DNAH12: variants seen among roughly 807,000 people sequenced by gnomAD.
DNAH12 encodes the protein axonemal beta dynein heavy chain 12.
Under a neutral mutation model 371.5 loss-of-function variants are expected in DNAH12, and 285 were observed. That is an observed-to-expected ratio of 0.77 (90% CI 0.70 to 0.85). The LOEUF (loss-of-function observed/expected upper bound fraction) is 0.85, where lower values mean the gene tolerates loss of function less well. Among genes scored for constraint, DNAH12 ranks in the 40% least tolerant of loss-of-function variants. The pLI is 0.00. For missense variants in DNAH12, 3,611 were observed against 3,689.4 expected, an observed-to-expected ratio of 0.98 and a Z score of 0.55; for synonymous variants, 1,200 against 1,213.0, an observed-to-expected ratio of 0.99 and a Z score of 0.22.
chr3:57,339,186 G>A (rs934515271), intron 60 of DNAH12, among the ~76,000 whole-genome samples: 2 of 152,112 alleles, frequency 1.3e-5, no homozygotes, highest in Non-Finnish European at 1.5e-5. Flanking sequence ...CAGCATGCTC[G>A]TTAAGAGTCA....
At chr3:57,390,822 G>T (rs1363508273) in intron 45 of DNAH12, among the ~76,000 whole-genome samples, 1 of 151,978 alleles carries the variant, frequency 6.6e-6, no homozygotes, top group Non-Finnish European at 1.5e-5. Flanking sequence ...CTACCACACA[G>T]CTTCCAACTG....
intron 19 of DNAH12, 84 bp downstream of exon 19, chr3:57,461,405 G>T: frequency 7.7e-7 from 1 of 1,293,930 alleles, no homozygotes; most frequent in Non-Finnish European, 1.1e-6. Flanking sequence ...CATCCAATAA[G>T]CTACTTATTA....
At chr3:57,336,652 T>A (rs2062230188) in intron 60 of DNAH12, among the ~76,000 whole-genome samples, 1 of 152,178 alleles carries the variant, frequency 6.6e-6, no homozygotes, top group Non-Finnish European at 1.5e-5. Flanking sequence ...AAATGGTAAC[T>A]TTGTAGGTAA....
rs1463409666 is a variant in DNAH12 at position 57,402,505 on chromosome 3, T to C, written c.6948+804A>G. On this transcript the variant is annotated intron_variant, in intron 43 of 73. Coordinates refer to ENST00000495027, the MANE Select transcript of DNAH12 (RefSeq NM_001366028.2). ...TCATCATCAGGTTCATGGTTAAATC[T>C]GCTAGAAACCATTTATTTATCTGAA... is the stretch of plus-strand genomic sequence containing the variant. The C allele has an allele frequency of 4.4e-6, 5 of 1,123,832 alleles. No homozygotes were observed. In the African/African-American group the frequency reaches 6.5e-5, roughly 15 times the overall value. 69.6% of individuals were successfully genotyped at this position (1,123,832 alleles called of 1,614,324 possible). A position where few individuals can be genotyped will look rare whatever the true frequency, so the allele number is the denominator to read the frequency against.
At chr3:57,414,023 T>C (rs1382474672) in intron 38 of DNAH12, 111 bp from the exon 39 acceptor site, 2 of 1,091,066 alleles carry the variant, frequency 1.8e-6, no homozygotes, top group East Asian at 2.8e-5. Flanking sequence ...CCAGAATCCA[T>C]GGGATTTTTA....
At chr3:57,341,775 G>T (rs1200467278) in intron 60 of DNAH12, among the ~76,000 whole-genome samples, 1 of 151,834 alleles carries the variant, frequency 6.6e-6, no homozygotes, top group Admixed American at 6.6e-5. Context: ...CCTAAAATTT[G>T]CATGGAACCA....
At chr3:57,546,520 T>C (rs2069577728), upstream of DNAH12, among the ~76,000 whole-genome samples, 1 of 152,130 alleles carries the variant, frequency 6.6e-6, no homozygotes, top group Non-Finnish European at 1.5e-5. Flanking sequence ...TTTAAAAATA[T>C]TTTGTTGGGA....
At chr3:57,350,532 T>C (rs1383975533) in intron 60 of DNAH12, among the ~76,000 whole-genome samples, 3 of 152,202 alleles carry the variant, frequency 2.0e-5, no homozygotes, top group African/African-American at 7.2e-5. Context: ...ATCAGTTGCA[T>C]GTGGCTTGTA....
At chr3:57,426,843 A>T (rs555597053) in intron 34 of DNAH12, among the ~76,000 whole-genome samples, 27,733 of 150,112 alleles carry the variant, frequency 0.18, 2,894 homozygotes, top group African/African-American at 0.24. Context: ...AAAAAAAAAA[A>T]AAAAATCTGG....
At chr3:57,467,889 GGAATGAGACAC>G (rs1199922868) in intron 17 of DNAH12, among the ~76,000 whole-genome samples, 8 of 152,002 alleles carry the variant, frequency 5.3e-5, no homozygotes, top group Non-Finnish European at 1.0e-4. Context: ...TAAAGTTGTG[GGAATGAGACAC>G]CAAAACATCA....
chr3:57,554,026 T>C, the DNAH12 span, among the ~76,000 whole-genome samples: 1 of 151,840 alleles, frequency 6.6e-6, no homozygotes, highest in South Asian at 2.1e-4. Context: ...GGTTTCACCA[T>C]GTTTAGTAGA....
At chr3:57,422,959 T>C (rs1191840688) in intron 35 of DNAH12, among the ~76,000 whole-genome samples, 2 of 152,208 alleles carry the variant, frequency 1.3e-5, no homozygotes, top group Non-Finnish European at 2.9e-5. Context: ...AGACAATGTA[T>C]GCTAATGTAT....
intron 29 of DNAH12, among the ~76,000 whole-genome samples, chr3:57,443,196 G>A (rs557387548): frequency 2.0e-4 from 31 of 152,182 alleles, no homozygotes; most frequent in East Asian, 5.8e-4. Flanking sequence ...TGCAACCTCC[G>A]CCTCCCGGGT....
chr3:57,404,547 CTCTA>C (rs200221846), intron 42 of DNAH12, among the ~76,000 whole-genome samples: 3,593 of 152,116 alleles, frequency 0.024, 62 homozygotes, highest in Admixed American at 0.035. Context: ...GAAACCCCAT[CTCTA>C]CTAAAAATAC....
intron 35 of DNAH12, among the ~76,000 whole-genome samples, chr3:57,424,394 C>A (rs929567750): frequency 6.7e-6 from 1 of 148,606 alleles, no homozygotes; most frequent in Non-Finnish European, 1.5e-5. Flanking sequence ...TCACTTGAAC[C>A]CAGGAGGCAG....
At chr3:57,510,764 C>A (rs760135883) in intron 5 of DNAH12, 26 bp downstream of exon 5, 8 of 1,604,776 alleles carry the variant, frequency 5.0e-6, no homozygotes, top group East Asian at 2.2e-5. Context: ...GTGAAAGAAG[C>A]CTGGTGTGTG....
chr3:57,515,222 C>T (rs887683534), intron 4 of DNAH12, among the ~76,000 whole-genome samples: 3 of 152,150 alleles, frequency 2.0e-5, no homozygotes, highest in Admixed American at 6.5e-5. Flanking sequence ...ATTTAACACA[C>T]ATATCATGGT....
At chr3:57,372,443 A>C (rs933743443) in intron 55 of DNAH12, among the ~76,000 whole-genome samples, 2 of 152,080 alleles carry the variant, frequency 1.3e-5, no homozygotes, top group Non-Finnish European at 2.9e-5. Flanking sequence ...GAAGGTAAAC[A>C]TAAGACTTTT....
At chr3:57,331,972 A>G (rs1417019388) in intron 62 of DNAH12, among the ~76,000 whole-genome samples, 1 of 151,880 alleles carries the variant, frequency 6.6e-6, no homozygotes, top group Non-Finnish European at 1.5e-5. Flanking sequence ...CAGGGTAGCA[A>G]GAATTCCCCC....
Sources: gnomAD v4.1 joint callset for allele counts (sites outside exome capture counted in the v4.1 genomes callset) on GRCh38, gnomAD v4.1.1 for gene constraint, MANE v1.5 for transcripts, NCBI Gene and HGNC (gene_info 2026-07-23, HGNC 2026-07-21) for gene names.